Variants in BCL2 observed in about 807,000 individuals in gnomAD.
The protein encoded by BCL2 is apoptosis regulator Bcl-2.
BCL2 carries 1 observed loss-of-function variant against 14.2 expected under a neutral mutation model. The ratio of observed to expected loss-of-function variants is 0.07; its 90% confidence interval spans 0.02 to 0.33. BCL2 has a LOEUF of 0.33. Among genes scored for constraint, BCL2 ranks in the 10% least tolerant of loss-of-function variants. BCL2 has a pLI of 0.99. For synonymous variants in BCL2, 151 were observed against 137.2 expected, an observed-to-expected ratio of 1.10 and a Z score of -0.70; for missense variants, 247 against 305.9, an observed-to-expected ratio of 0.81 and a Z score of 1.44.
At position 63,307,729 on chromosome 18, in the gene BCL2, A is replaced by T. The variant is rs1307285666; in HGVS notation, c.585+10353T>A. Among the ~76,000 whole-genome samples, 11 of 152,170 alleles carry T rather than the reference A, an allele frequency of 7.2e-5. No homozygotes were observed. The East Asian group carries it at 2.1e-3, about 29-fold the overall frequency. ...GGCCAATTATCTGGGTGTCCTTTAT[A>T]ATTTGAAGTTTCTGAATTCACTCAT... On this transcript the variant is annotated intron_variant, in intron 2 of 2. Coordinates refer to ENST00000333681, the MANE Select transcript of BCL2 (RefSeq NM_000633.3).
At chr18:63,250,785 C>A (rs1212803276) in intron 2 of BCL2, among the ~76,000 whole-genome samples, 2 of 152,132 alleles carry the variant, frequency 1.3e-5, no homozygotes, top group East Asian at 3.8e-4. Context: ...TTAAAAACAA[C>A]AACAAACCAA....
intron 2 of BCL2, among the ~76,000 whole-genome samples, chr18:63,277,852 A>G (rs1330202643): frequency 1.3e-5 from 2 of 152,210 alleles, no homozygotes; most frequent in African/African-American, 4.8e-5. Context: ...TTTTCAGGAC[A>G]GGCTCTGTGT....
chr18:63,194,308 A>T (rs755834695), intron 2 of BCL2, among the ~76,000 whole-genome samples: 7 of 151,696 alleles, frequency 4.6e-5, no homozygotes, highest in Non-Finnish European at 1.0e-4. Flanking sequence ...ATATGTTTTT[A>T]ATGGAAGAGA....
intron 2 of BCL2, 127 bp downstream of exon 2, chr18:63,317,955 G>A: frequency 1.4e-6 from 2 of 1,478,146 alleles, no homozygotes; most frequent in African/African-American, 1.4e-5. Context: ...ACGCCGGGAA[G>A]CAACAACTCT....
At chr18:63,131,970 C>T (rs1274851080) in intron 2 of BCL2, among the ~76,000 whole-genome samples, 1 of 152,222 alleles carries the variant, frequency 6.6e-6, no homozygotes, top group Non-Finnish European at 1.5e-5. Context: ...CACCCTCACC[C>T]CCACACAAAT....
chr18:63,216,850 G>A (rs1246244673), intron 2 of BCL2, among the ~76,000 whole-genome samples: 2 of 152,194 alleles, frequency 1.3e-5, no homozygotes, highest in Admixed American at 1.3e-4. Context: ...ACAAATCTAC[G>A]ATCCATGTTA....
At chr18:63,283,925 G>A (rs896108143) in intron 2 of BCL2, among the ~76,000 whole-genome samples, 14 of 152,120 alleles carry the variant, frequency 9.2e-5, no homozygotes, top group African/African-American at 3.4e-4. Context: ...AATAAACTTG[G>A]CGTTTGTTTC....
rs185697498 is a variant in BCL2 at position 63,293,128 on chromosome 18, G to A, written c.585+24954C>T. Among the ~76,000 whole-genome samples, 385 of 152,296 alleles carry A rather than the reference G, an allele frequency of 2.5e-3. 10 individuals carry two copies. Among genetic ancestry groups the A allele is most frequent in the Admixed American group, 0.024 (370 of 15,296 alleles). On this transcript the variant is annotated intron_variant, in intron 2 of 2. Transcript: ENST00000333681. The stretch of plus-strand genomic sequence containing the variant: ...CCCGGGACAACACTCCCACCCCGCA[G>A]AGCCCAGCCAGGTTCTCAGTGGCCC...
At chr18:63,299,297 C>T (rs957356355) in intron 2 of BCL2, among the ~76,000 whole-genome samples, 24 of 152,328 alleles carry the variant, frequency 1.6e-4, no homozygotes, top group East Asian at 1.2e-3. Flanking sequence ...GCTTGCCTTG[C>T]GCTAAGCACT....
At chr18:63,221,019 C>T (rs1225408061) in intron 2 of BCL2, among the ~76,000 whole-genome samples, 2 of 152,288 alleles carry the variant, frequency 1.3e-5, no homozygotes, top group South Asian at 2.1e-4. Context: ...GCTCAACAAG[C>T]ATTGGATCTT....
At chr18:63,273,853 C>G (rs542440423) in intron 2 of BCL2, among the ~76,000 whole-genome samples, 1 of 152,288 alleles carries the variant, frequency 6.6e-6, no homozygotes, top group South Asian at 2.1e-4. Flanking sequence ...CTTTTTGTTG[C>G]TTGGTCTTTA....
At chr18:63,223,708 C>T (rs1206298108) in intron 2 of BCL2, among the ~76,000 whole-genome samples, 1 of 152,198 alleles carries the variant, frequency 6.6e-6, no homozygotes, top group East Asian at 1.9e-4. Flanking sequence ...TCTGACCATT[C>T]CCTGGTTTTC....
chr18:63,198,698 CTG>C (rs1909548661), intron 2 of BCL2, among the ~76,000 whole-genome samples: 1 of 74,472 alleles, frequency 1.3e-5, no homozygotes, highest in African/African-American at 5.6e-5. Context: ...GACACACACA[CTG>C]ACACACAGAG....
intron 2 of BCL2, among the ~76,000 whole-genome samples, chr18:63,306,220 A>G (rs1390498046): frequency 3.3e-5 from 5 of 152,214 alleles, no homozygotes; most frequent in African/African-American, 1.2e-4. Flanking sequence ...CATTCAGTCA[A>G]TCATTACCTC....
chr18:63,275,247 AAGG>A (rs201644393), intron 2 of BCL2, among the ~76,000 whole-genome samples: 92 of 141,950 alleles, frequency 6.5e-4, no homozygotes, highest in African/African-American at 1.7e-3. Flanking sequence ...AAAAAAAAAA[AAGG>A]GAAATAATTT....
intron 2 of BCL2, among the ~76,000 whole-genome samples, chr18:63,260,774 A>T (rs1911635070): frequency 6.6e-6 from 1 of 152,038 alleles, no homozygotes; most frequent in Admixed American, 6.6e-5. Context: ...AAGTGGGAGA[A>T]ATAAGAGGAA....
At chr18:63,219,961 C>T (rs371853576) in intron 2 of BCL2, among the ~76,000 whole-genome samples, 1 of 152,100 alleles carries the variant, frequency 6.6e-6, no homozygotes, top group African/African-American at 2.4e-5. Context: ...CTCCAGAAAT[C>T]GGGGCCTTTA....
At chr18:63,307,528 T>C (rs1913181806) in intron 2 of BCL2, among the ~76,000 whole-genome samples, 1 of 152,192 alleles carries the variant, frequency 6.6e-6, no homozygotes, top group Admixed American at 6.5e-5. Flanking sequence ...GAAAACTACA[T>C]TCAAAGGAAA....
intron 2 of BCL2, among the ~76,000 whole-genome samples, chr18:63,266,082 C>A (rs2144231886): frequency 6.6e-6 from 1 of 152,158 alleles, no homozygotes; most frequent in Middle Eastern, 3.4e-3. Context: ...TCCTGCAGAT[C>A]AACTCGTATG....
Sources: allele counts gnomAD v4.1 joint callset (sites outside exome capture counted in the v4.1 genomes callset), GRCh38; gene constraint gnomAD v4.1.1; transcripts MANE v1.5; gene names NCBI Gene and HGNC (gene_info 2026-07-23, HGNC 2026-07-21).